Variants in ANKRD2 observed in about 807,000 individuals in gnomAD.
The protein encoded by ANKRD2 is ankyrin repeat domain 2.
In ANKRD2, 35 loss-of-function variants were observed where a neutral mutation model predicts 37.3. The observed-to-expected ratio is 0.94, with a 90% CI of 0.72 to 1.24. ANKRD2 has a LOEUF of 1.24. Ranked by LOEUF, ANKRD2 falls within the 50% of genes most tolerant of loss-of-function variation. ANKRD2 has a pLI of 0.00. For missense variants in ANKRD2, 410 were observed against 445.6 expected, an observed-to-expected ratio of 0.92 and a Z score of 0.72; for synonymous variants, 159 against 186.5, an observed-to-expected ratio of 0.85 and a Z score of 1.20.
At chr10:97,576,356 A>G (rs1467934423) in intron 1 of ANKRD2, among the ~76,000 whole-genome samples, 3 of 152,222 alleles carry the variant, frequency 2.0e-5, no homozygotes, top group Non-Finnish European at 2.9e-5. Context: ...GAAGCAGTCC[A>G]GGAAAATCAG....
rs1204447589 is a variant in ANKRD2 at position 97,583,852 on chromosome 10, A to C, written c.*127A>C. The C allele has an allele frequency of 3.8e-6, 4 of 1,060,260 alleles. No homozygotes were observed. The highest frequency in any genetic ancestry group is 5.0e-6 in the Non-Finnish European group (4 of 802,200). 65.7% of individuals were successfully genotyped at this position (1,060,260 alleles called of 1,614,324 possible). ...TGCATGATCCAGGAGCACATACCAC[A>C]AACTACCACAATAAAAAAGCTGTTT... On this transcript the variant is annotated 3_prime_UTR_variant, in exon 9 of 9. Coordinates refer to ENST00000370655, the MANE Select transcript of ANKRD2 (RefSeq NM_001346793.2).
chr10:97,575,338 G>A (rs769821638), intron 1 of ANKRD2, among the ~76,000 whole-genome samples: 2 of 152,168 alleles, frequency 1.3e-5, no homozygotes, highest in African/African-American at 2.4e-5. Context: ...CCACTGTGGC[G>A]AGTTTACTGG....
Position 97,583,577 on chromosome 10 carries a change from C to T in ANKRD2, c.854C>T (p.Ala285Val). ...CACGCCCCGTCCCGCCCCCTCCAGG[C>T]AGGAAAGACCCCGACGGACCTGGTG... ...HGADMMTKNL[A>V]GKTPTDLVQL... Residue 285 changes from alanine (A) to valine (V), a missense_variant and splice_region_variant, in exon 9 of 9, where the codon GCA becomes GTA. Transcript: ENST00000370655. 1 of 1,601,216 alleles carries T rather than the reference C, an allele frequency of 6.2e-7. No homozygotes were observed. The highest frequency in any genetic ancestry group is 8.5e-7 in the Non-Finnish European group (1 of 1,174,762).
intron 2 of ANKRD2, 103 bp downstream of exon 2, chr10:97,578,004 C>A (rs1345495147): frequency 6.9e-5 from 82 of 1,196,984 alleles, no homozygotes; most frequent in South Asian, 1.5e-5. Flanking sequence ...CAGTTCAGCA[C>A]CCCCGGTAGA....
At chr10:97,578,711 G>C (rs939505138) in intron 4 of ANKRD2, 106 bp downstream of exon 4, 1 of 880,472 alleles carries the variant, frequency 1.1e-6, no homozygotes, top group Non-Finnish European at 1.7e-6. Context: ...GGAGGCACCG[G>C]TGTTCTTTGG....
At chr10:97,578,148 A>ACC in intron 2 of ANKRD2, 92 bp from the exon 3 acceptor site, 7 of 227,702 alleles carry the variant, frequency 3.1e-5, no homozygotes, top group South Asian at 7.9e-5. Flanking sequence ...CTTCCTGCCC[A>ACC]CCCCACCCTC....
intron 1 of ANKRD2, among the ~76,000 whole-genome samples, chr10:97,576,566 A>AAGAGCTGCCAAATTTTATATTGC (rs1211267636): frequency 3.9e-5 from 6 of 152,336 alleles, no homozygotes; most frequent in Non-Finnish European, 2.9e-5. Flanking sequence ...GTATCTAACA[A>AAGAGCTGCCAAATTTTATATTGC]AGAGCTGCCA....
chr10:97,575,788 G>A (rs974220632), intron 1 of ANKRD2, among the ~76,000 whole-genome samples: 1 of 152,112 alleles, frequency 6.6e-6, no homozygotes, highest in Non-Finnish European at 1.5e-5. Flanking sequence ...GCATGCGCCT[G>A]TAGTCCCAGC....
At chr10:97,578,147 C>T in intron 2 of ANKRD2, 93 bp from the exon 3 acceptor site, 1 of 718,822 alleles carries the variant, frequency 1.4e-6, no homozygotes. Flanking sequence ...TCTTCCTGCC[C>T]ACCCCACCCT....
intron 4 of ANKRD2, among the ~76,000 whole-genome samples, chr10:97,579,417 C>T (rs2040869588): frequency 6.6e-6 from 1 of 151,410 alleles, no homozygotes; most frequent in Admixed American, 6.6e-5. Context: ...AGCAATCCTC[C>T]CACTTCAGCC....
At chr10:97,579,308 T>G (rs1220661988) in intron 4 of ANKRD2, among the ~76,000 whole-genome samples, 5 of 124,680 alleles carry the variant, frequency 4.0e-5, no homozygotes, top group Non-Finnish European at 6.5e-5. Context: ...AGTACTGTAC[T>G]TTTTTTTTTT....
At chr10:97,578,164 C>CCCCCT in intron 2 of ANKRD2, 76 bp from the exon 3 acceptor site, 1 of 1,387,900 alleles carries the variant, frequency 7.2e-7, no homozygotes, top group Non-Finnish European at 9.8e-7. Context: ...CCCTCCCCAC[C>CCCCCT]AGCTTAGCTC....
In ANKRD2 at chr10:97,582,491, C is replaced by T. The variant is rs2040911938; in HGVS notation, c.753+78C>T. The T allele has an allele frequency of 3.8e-6, 6 of 1,578,116 alleles. No homozygotes were observed. The East Asian group carries it at 1.3e-4, about 35-fold the overall frequency. On this transcript the variant is annotated intron_variant, in intron 7 of 8. Transcript: ENST00000370655. The stretch of plus-strand genomic sequence containing the variant: ...CGGGCCCCTACAGGTGGTGTCCTTC[C>T]TCCTGGGGCCTTCAGGACTTGGCTC...
chr10:97,579,407 A>C (rs564138617), intron 4 of ANKRD2, among the ~76,000 whole-genome samples: 1 of 151,154 alleles, frequency 6.6e-6, no homozygotes, highest in African/African-American at 2.4e-5. Context: ...CTTGGGCTCA[A>C]GCAATCCTCC....
At chr10:97,573,463 T>C (rs1343160990) in intron 1 of ANKRD2, among the ~76,000 whole-genome samples, 2 of 152,038 alleles carry the variant, frequency 1.3e-5, no homozygotes, top group East Asian at 3.9e-4. Flanking sequence ...GGTCTCCCTC[T>C]GTTGCCCAGG....
intron 4 of ANKRD2, 29 bp from the exon 5 acceptor site, chr10:97,580,826 C>G: frequency 6.4e-7 from 1 of 1,572,802 alleles, no homozygotes. Context: ...GAGCCAGAGG[C>G]CAGGCCCTGA....
intron 4 of ANKRD2, among the ~76,000 whole-genome samples, chr10:97,579,975 T>A (rs767488715): frequency 2.0e-5 from 3 of 152,202 alleles, no homozygotes; most frequent in Non-Finnish European, 4.4e-5. Context: ...TCTTTCACAC[T>A]TCCCGGGGTG....
At chr10:97,578,051 A>G in intron 2 of ANKRD2, 150 bp downstream of exon 2, 1 of 1,076,078 alleles carries the variant, frequency 9.3e-7, no homozygotes, top group Non-Finnish European at 1.3e-6. Flanking sequence ...CCCGTCCCAG[A>G]ACTACTGAGT....
At chr10:97,574,266 G>A (rs1258013081) in intron 1 of ANKRD2, among the ~76,000 whole-genome samples, 1 of 142,070 alleles carries the variant, frequency 7.0e-6, no homozygotes, top group African/African-American at 2.5e-5. Flanking sequence ...CTGGGTGACA[G>A]AGGGAGACTC....
Sources: allele counts gnomAD v4.1 joint callset (sites outside exome capture counted in the v4.1 genomes callset), GRCh38; gene constraint gnomAD v4.1.1; transcripts MANE v1.5; gene names NCBI Gene and HGNC (gene_info 2026-07-23, HGNC 2026-07-21).